Variants in UBE2Q2 observed in about 807,000 individuals in gnomAD.
UBE2Q2 encodes the protein ubiquitin conjugating enzyme E2 Q2, also known as ubiquitin-conjugating enzyme E2 Q2.
UBE2Q2 carries 54 observed loss-of-function variants against 59.9 expected under a neutral mutation model. That is an observed-to-expected ratio of 0.90 (90% CI 0.72 to 1.13). UBE2Q2 has a LOEUF of 1.13. Ranked by LOEUF, UBE2Q2 falls within the 50% of genes most tolerant of loss-of-function variation. The pLI is 0.00. For synonymous variants in UBE2Q2, 165 were observed against 155.2 expected (o/e 1.06, Z -0.47); for missense variants, 433 against 441.9 (o/e 0.98, Z 0.18).
At chr15:75,877,361 G>A (rs1898145430) in intron 6 of UBE2Q2, among the ~76,000 whole-genome samples, 1 of 151,788 alleles carries the variant, frequency 6.6e-6, no homozygotes, top group Admixed American at 6.6e-5. Context: ...TGTCCTTACG[G>A]TTTTTTGTGT....
At chr15:75,874,685 A>T (rs2141620925) in intron 5 of UBE2Q2, among the ~76,000 whole-genome samples, 1 of 152,354 alleles carries the variant, frequency 6.6e-6, no homozygotes, top group Non-Finnish European at 1.5e-5. Flanking sequence ...CAGCTCTAAA[A>T]TATGGCTAGA....
At chr15:75,897,293 C>T (rs1289105554) in intron 12 of UBE2Q2, among the ~76,000 whole-genome samples, 1 of 152,030 alleles carries the variant, frequency 6.6e-6, no homozygotes, top group Non-Finnish European at 1.5e-5. Context: ...AGCTGGAGTG[C>T]AGTGGCACTA....
At chr15:75,866,580 A>G (rs1160821769) in intron 3 of UBE2Q2, among the ~76,000 whole-genome samples, 2 of 152,104 alleles carry the variant, frequency 1.3e-5, no homozygotes, top group African/African-American at 4.8e-5. Context: ...CATCCTCTGG[A>G]TGAATGTTAG....
intron 7 of UBE2Q2, 51 bp from the exon 8 acceptor site, chr15:75,879,041 TAAAAAA>T: frequency 8.6e-7 from 1 of 1,164,254 alleles, no homozygotes. Flanking sequence ...TGAGTTTAGT[TAAAAAA>T]AAAAATCTCT....
intron 8 of UBE2Q2, among the ~76,000 whole-genome samples, chr15:75,881,826 G>GT (rs1347168465): frequency 1.3e-5 from 2 of 152,176 alleles, no homozygotes; most frequent in African/African-American, 4.8e-5. Flanking sequence ...ACTTTTTGGT[G>GT]TTTCGGGCAG....
At chr15:75,870,165 TCAAG>T (rs1478892552) in intron 4 of UBE2Q2, among the ~76,000 whole-genome samples, 1 of 152,146 alleles carries the variant, frequency 6.6e-6, no homozygotes, top group Non-Finnish European at 1.5e-5. Context: ...ACTCCTGGAC[TCAAG>T]CAATCCTCAC....
intron 9 of UBE2Q2, among the ~76,000 whole-genome samples, chr15:75,886,140 G>C (rs1898753552): frequency 6.7e-6 from 1 of 149,922 alleles, no homozygotes; most frequent in Admixed American, 6.6e-5. Flanking sequence ...TTTTTTTTGA[G>C]ACAGAGTCTC....
intron 6 of UBE2Q2, 74 bp downstream of exon 6, chr15:75,876,345 T>G: frequency 7.6e-7 from 1 of 1,321,342 alleles, no homozygotes; most frequent in Non-Finnish European, 1.1e-6. Context: ...AAATGTCATT[T>G]CTTAAAACTG....
intron 5 of UBE2Q2, among the ~76,000 whole-genome samples, chr15:75,874,392 T>C (rs1897960435): frequency 6.6e-6 from 1 of 151,716 alleles, no homozygotes; most frequent in Admixed American, 6.6e-5. Context: ...CAAGCAGTTC[T>C]CCTGCCTCAC....
At chr15:75,874,580 G>A (rs1005195397) in intron 5 of UBE2Q2, among the ~76,000 whole-genome samples, 1 of 152,070 alleles carries the variant, frequency 6.6e-6, no homozygotes, top group East Asian at 1.9e-4. Context: ...CACTGTGTCC[G>A]GCCACAACTT....
intron 2 of UBE2Q2, among the ~76,000 whole-genome samples, chr15:75,857,421 TACATGAA>T (rs1370486265): frequency 1.3e-5 from 2 of 152,204 alleles, no homozygotes; most frequent in African/African-American, 4.8e-5. Flanking sequence ...TGAATATATT[TACATGAA>T]GGAGAAAACA....
intron 11 of UBE2Q2, 112 bp downstream of exon 11, chr15:75,891,126 G>A: frequency 1.2e-6 from 1 of 829,052 alleles, no homozygotes; most frequent in Non-Finnish European, 1.8e-6. Context: ...TTTTCATTTG[G>A]TTTGTTTTCT....
chr15:75,887,603 T>G (rs1898859044), intron 9 of UBE2Q2, among the ~76,000 whole-genome samples: 1 of 151,008 alleles, frequency 6.6e-6, no homozygotes, highest in Non-Finnish European at 1.5e-5. Context: ...AAGTAGACTA[T>G]CACCCTGGCT....
intron 2 of UBE2Q2, among the ~76,000 whole-genome samples, chr15:75,857,676 C>G (rs1340263166): frequency 6.6e-6 from 1 of 151,136 alleles, no homozygotes; most frequent in Admixed American, 6.6e-5. Context: ...AACATTCCTG[C>G]ATTCTTAATG....
intron 1 of UBE2Q2, among the ~76,000 whole-genome samples, chr15:75,850,919 G>A (rs895612493): frequency 3.9e-5 from 6 of 152,002 alleles, no homozygotes. Flanking sequence ...GTGCTTTTAC[G>A]AAACAAAATT....
intron 1 of UBE2Q2, among the ~76,000 whole-genome samples, chr15:75,848,706 G>T (rs542936868): frequency 6.6e-6 from 1 of 151,994 alleles, no homozygotes; most frequent in Non-Finnish European, 1.5e-5. Context: ...CCTGGAAAAG[G>T]GTAGTATTTG....
At chr15:75,870,709 C>G (rs991204531) in intron 4 of UBE2Q2, among the ~76,000 whole-genome samples, 8 of 152,084 alleles carry the variant, frequency 5.3e-5, no homozygotes, top group Admixed American at 5.2e-4. Context: ...CAACCTTGGA[C>G]ATAGTGTGTT....
intron 10 of UBE2Q2, 103 bp downstream of exon 10, chr15:75,890,586 TTTTAG>T (rs376978746): frequency 3.0e-6 from 3 of 988,152 alleles, no homozygotes; most frequent in Non-Finnish European, 3.0e-6. Flanking sequence ...TACTCTTAAA[TTTTAG>T]TTTATTTTTA....
In UBE2Q2 at chr15:75,854,382, A is replaced by G. The variant is rs1157977156; in HGVS notation, c.181-4A>G. On this transcript the variant is annotated splice_region_variant and splice_polypyrimidine_tract_variant and intron_variant, in intron 1 of 12. Transcript: ENST00000267938. ...TGTTTAACATGTGTCTCTGTGTTAA[A>G]CAGGAATCCTATCCATCTTCTTCAC... The G allele has an allele frequency of 2.5e-6, 4 of 1,609,858 alleles. No individual in the cohort carries two copies. Among genetic ancestry groups the G allele is most frequent in the Non-Finnish European group, 3.4e-6 (4 of 1,177,710 alleles).
Sources: allele counts gnomAD v4.1 joint callset (sites outside exome capture counted in the v4.1 genomes callset), GRCh38; gene constraint gnomAD v4.1.1; transcripts MANE v1.5; gene names NCBI Gene and HGNC (gene_info 2026-07-23, HGNC 2026-07-21).